ZNF536: variants seen among roughly 807,000 people sequenced by gnomAD.
ZNF536 encodes the protein zinc finger protein 536.
Under a neutral mutation model 84.5 loss-of-function variants are expected in ZNF536, and 13 were observed. The observed-to-expected ratio is 0.15, with a 90% confidence interval of 0.10 to 0.24. The LOEUF (loss-of-function observed/expected upper bound fraction) is 0.24, where lower values mean the gene tolerates loss of function less well. ZNF536 is among the 10% of genes least tolerant of loss of function. The pLI, the probability that ZNF536 is intolerant of heterozygous loss-of-function variation, is 1.00. For synonymous variants in ZNF536, 811 were observed against 742.5 expected, an observed-to-expected ratio of 1.09 and a Z score of -1.50; for missense variants, 1,536 against 1,747.5, an observed-to-expected ratio of 0.88 and a Z score of 2.16.
At chr19:30,527,183 C>CT (rs2044620814) in intron 2 of ZNF536, among the ~76,000 whole-genome samples, 1 of 142,200 alleles carries the variant, frequency 7.0e-6, no homozygotes, top group African/African-American at 2.6e-5. Context: ...TCCCAAAGTG[C>CT]TGGGATTACA....
At chr19:30,386,773 C>T (rs1178127783) in intron 1 of ZNF536, among the ~76,000 whole-genome samples, 1 of 152,152 alleles carries the variant, frequency 6.6e-6, no homozygotes, top group Non-Finnish European at 1.5e-5. Flanking sequence ...ACAGCCAGGG[C>T]TATAGGTATT....
intron 1 of ZNF536, among the ~76,000 whole-genome samples, chr19:30,240,596 T>A (rs2023875117): frequency 6.6e-6 from 1 of 152,122 alleles, no homozygotes; most frequent in African/African-American, 2.4e-5. Context: ...GGCCCGCACA[T>A]GAACTGTTCC....
intron 2 of ZNF536, among the ~76,000 whole-genome samples, chr19:30,339,866 G>A (rs928094036): frequency 7.2e-5 from 11 of 152,134 alleles, no homozygotes; most frequent in Non-Finnish European, 1.5e-4. Flanking sequence ...GGGCTCCTCT[G>A]GAATCTCCAG....
intron 1 of ZNF536, among the ~76,000 whole-genome samples, chr19:30,374,079 G>A (rs1269266398): frequency 6.6e-6 from 1 of 152,148 alleles, no homozygotes; most frequent in Non-Finnish European, 1.5e-5. Flanking sequence ...GGTGATATAG[G>A]TATGGGCATT....
intron 1 of ZNF536, among the ~76,000 whole-genome samples, chr19:30,414,519 G>A (rs1256053661): frequency 2.0e-5 from 3 of 151,954 alleles, no homozygotes; most frequent in Non-Finnish European, 4.4e-5. Flanking sequence ...CTGGGGTTTG[G>A]TCACATAATG....
At chr19:30,693,388 C>T (rs1454737998) in intron 1 of ZNF536, among the ~76,000 whole-genome samples, 2 of 152,178 alleles carry the variant, frequency 1.3e-5, no homozygotes, top group Non-Finnish European at 2.9e-5. Flanking sequence ...TACGTGACTA[C>T]AGAGAAATAA....
intron 1 of ZNF536, among the ~76,000 whole-genome samples, chr19:30,651,307 T>A (rs139720781): frequency 6.6e-6 from 1 of 152,198 alleles, no homozygotes; most frequent in Non-Finnish European, 1.5e-5. Context: ...AGCGCCCCAG[T>A]TGGGCACTGT....
intron 1 of ZNF536, among the ~76,000 whole-genome samples, chr19:30,675,870 A>AT (rs1232883743): frequency 9.9e-5 from 15 of 151,848 alleles, no homozygotes; most frequent in African/African-American, 3.6e-4. Flanking sequence ...TTTATTTTTT[A>AT]TTTTTGACAC....
At chr19:30,489,001 G>A (rs1013323163) in intron 2 of ZNF536, among the ~76,000 whole-genome samples, 6 of 152,128 alleles carry the variant, frequency 3.9e-5, no homozygotes, top group African/African-American at 9.7e-5. Flanking sequence ...ATAGATCATG[G>A]AAAATCAGGA....
intron 1 of ZNF536, among the ~76,000 whole-genome samples, chr19:30,697,588 C>G (rs1408732037): frequency 6.6e-6 from 1 of 152,172 alleles, no homozygotes; most frequent in African/African-American, 2.4e-5. Context: ...GATGAGAAAA[C>G]TGAGACTTAG....
intron 2 of ZNF536, among the ~76,000 whole-genome samples, chr19:30,289,835 G>T (rs933905071): frequency 6.6e-6 from 1 of 152,080 alleles, no homozygotes; most frequent in Non-Finnish European, 1.5e-5. Flanking sequence ...TGTGTGTTGG[G>T]TTTTTTGTTT....
chr19:30,574,648 T>C (rs373232713), intron 1 of ZNF536, among the ~76,000 whole-genome samples: 9 of 152,306 alleles, frequency 5.9e-5, no homozygotes, highest in African/African-American at 2.2e-4. Context: ...GCTTGCATGC[T>C]CACTTAGCTT....
intron 1 of ZNF536, among the ~76,000 whole-genome samples, chr19:30,237,480 C>T (rs1037661824): frequency 1.3e-5 from 2 of 152,140 alleles, no homozygotes; most frequent in African/African-American, 2.4e-5. Flanking sequence ...TGAGCTTAAA[C>T]GTGAAGGTAT....
Position 30,613,357 on chromosome 19 carries a change from A to G in ZNF536, c.169+63843A>G, listed in dbSNP as rs567595341. On this transcript the variant is annotated intron_variant, in intron 1 of 1. Coordinates refer to the ZNF536 transcript ENST00000592773. Reference sequence around the variant, plus strand: ...TTGGGCGATCTTGCCTGTAACAATTATTATGATGATAGTCCAACTGTGATT... The same window carrying G: ...TTGGGCGATCTTGCCTGTAACAATTGTTATGATGATAGTCCAACTGTGATT... 4.6e-5 allele frequency among the ~76,000 whole-genome samples: 7 copies of G among 152,354 alleles called. 1 individual carries two copies. In the South Asian group the frequency reaches 1.4e-3, roughly 32 times the overall value.
At chr19:30,227,167 GA>G (rs143322975), upstream of ZNF536, among the ~76,000 whole-genome samples, 3,995 of 152,198 alleles carry the variant, frequency 0.026, 176 homozygotes, top group Admixed American at 0.13. Flanking sequence ...GAAAAAGAAA[GA>G]AAAAGGGCTG....
At chr19:30,638,924 A>G (rs1419997908) in intron 1 of ZNF536, among the ~76,000 whole-genome samples, 1 of 152,216 alleles carries the variant, frequency 6.6e-6, no homozygotes, top group Non-Finnish European at 1.5e-5. Context: ...TCTTAGTCTC[A>G]CAATTTCCAG....
At chr19:30,654,498 A>G (rs1295457150) in intron 1 of ZNF536, among the ~76,000 whole-genome samples, 1 of 151,824 alleles carries the variant, frequency 6.6e-6, no homozygotes, top group East Asian at 1.9e-4. Flanking sequence ...CTAAGTCAAC[A>G]TTCGTGGTTC....
chr19:30,519,156 G>T (rs1044888954), intron 2 of ZNF536, among the ~76,000 whole-genome samples: 1 of 152,202 alleles, frequency 6.6e-6, no homozygotes, highest in Non-Finnish European at 1.5e-5. Flanking sequence ...CAACACCTGC[G>T]CAGCCTATCG....
intron 1 of ZNF536, among the ~76,000 whole-genome samples, chr19:30,691,711 G>A (rs540344274): frequency 6.6e-6 from 1 of 152,254 alleles, no homozygotes; most frequent in East Asian, 1.9e-4. Flanking sequence ...CAGAGGCAGG[G>A]CTTCAGAAGG....
Sources: gnomAD v4.1 joint callset for allele counts (sites outside exome capture counted in the v4.1 genomes callset) on GRCh38, gnomAD v4.1.1 for gene constraint, MANE v1.5 for transcripts, NCBI Gene and HGNC (gene_info 2026-07-23, HGNC 2026-07-21) for gene names.